Variants in GPHN observed in about 807,000 individuals in gnomAD.
GPHN encodes the protein gephyrin.
In GPHN, 17 loss-of-function variants were observed where a neutral mutation model predicts 95.5. The observed-to-expected ratio is 0.18, with a 90% CI of 0.12 to 0.27. The LOEUF (loss-of-function observed/expected upper bound fraction) is 0.27. Among genes scored for constraint, GPHN ranks in the 10% least tolerant of loss-of-function variants. GPHN has a pLI of 1.00. For missense variants in GPHN, 660 were observed against 978.1 expected (o/e 0.67, Z 4.34); for synonymous variants, 320 against 322.5 (o/e 0.99, Z 0.08).
the GPHN span, among the ~76,000 whole-genome samples, chr14:67,603,996 G>A: frequency 1.3e-5 from 2 of 150,144 alleles, no homozygotes; most frequent in Non-Finnish European, 3.0e-5. Flanking sequence ...CTTGTTTTTT[G>A]TTTTTGTTTT....
chr14:66,618,377 C>T (rs562422010), intron 1 of GPHN, among the ~76,000 whole-genome samples: 16 of 152,122 alleles, frequency 1.1e-4, no homozygotes, highest in East Asian at 3.9e-4. Flanking sequence ...TGCGCCCGGC[C>T]GAGTTTATTT....
intron 2 of GPHN, among the ~76,000 whole-genome samples, chr14:66,730,583 AG>A (rs549806137): frequency 6.8e-4 from 103 of 152,340 alleles, no homozygotes; most frequent in Non-Finnish European, 1.1e-3. Flanking sequence ...GCTTAAATGA[AG>A]AAAAGTAATA....
intron 17 of GPHN, among the ~76,000 whole-genome samples, chr14:67,128,589 G>A (rs950165464): frequency 6.6e-6 from 1 of 152,148 alleles, no homozygotes; most frequent in African/African-American, 2.4e-5. Flanking sequence ...ATACACCCAA[G>A]TGTTATTTCT....
At chr14:67,237,523 G>C in the GPHN span, among the ~76,000 whole-genome samples, 3 of 151,768 alleles carry the variant, frequency 2.0e-5, no homozygotes, top group African/African-American at 7.3e-5. Context: ...GGGTCTTGCT[G>C]TGTTGCCCAG....
chr14:67,446,649 C>T, the GPHN span, among the ~76,000 whole-genome samples: 1 of 152,194 alleles, frequency 6.6e-6, no homozygotes, highest in African/African-American at 2.4e-5. Flanking sequence ...GACACTGAAG[C>T]CCATTCAACG....
intron 14 of GPHN, 61 bp from the exon 15 acceptor site, chr14:67,111,800 G>A (rs1428629832): frequency 1.6e-6 from 2 of 1,238,422 alleles, no homozygotes; most frequent in Non-Finnish European, 1.2e-6. Context: ...AAGTATCGGA[G>A]TAACTAAATT....
the GPHN span, among the ~76,000 whole-genome samples, chr14:67,284,865 A>G: frequency 0.024 from 3,646 of 152,172 alleles, 69 homozygotes; most frequent in Non-Finnish European, 0.036. Flanking sequence ...CCACTGTACA[A>G]ATATACCACA....
the GPHN span, among the ~76,000 whole-genome samples, chr14:67,235,140 G>C: frequency 7.4e-6 from 1 of 135,614 alleles, no homozygotes; most frequent in African/African-American, 3.1e-5. Flanking sequence ...TGGGTGACAA[G>C]AGCAAAACTC....
At chr14:66,659,004 G>A (rs144306281) in intron 1 of GPHN, among the ~76,000 whole-genome samples, 111 of 150,910 alleles carry the variant, frequency 7.4e-4, no homozygotes, top group African/African-American at 2.7e-3. Context: ...TATTATGCTT[G>A]TCAATTTCTA....
intron 5 of GPHN, among the ~76,000 whole-genome samples, chr14:66,903,458 C>T (rs1350502513): frequency 6.6e-6 from 1 of 151,898 alleles, no homozygotes; most frequent in Non-Finnish European, 1.5e-5. Context: ...CTAAGTATAA[C>T]TACTCCTGCT....
chr14:66,568,368 A>G (rs1281090210), intron 1 of GPHN, among the ~76,000 whole-genome samples: 1 of 152,132 alleles, frequency 6.6e-6, no homozygotes, highest in East Asian at 1.9e-4. Context: ...GTTTCCTGTT[A>G]TGGCATTTTA....
At position 67,180,761 on chromosome 14, in the gene GPHN, G is replaced by A. The variant is rs372227213; in HGVS notation, c.2177-43G>A. The A allele has an allele frequency of 1.7e-5, 27 of 1,602,168 alleles. No homozygotes were observed. In the African/African-American group the frequency reaches 1.9e-4, roughly 11 times the overall value. On this transcript the variant is annotated intron_variant, in intron 22 of 22. Transcript: ENST00000478722. ...GGTCTACAAGGGCCCAACTGTATAC[G>A]CCATGATGCTTATGCTGCTGTAATA... is the stretch of plus-strand genomic sequence containing the variant.
chr14:67,703,693 C>T, the GPHN span, among the ~76,000 whole-genome samples: 283 of 151,924 alleles, frequency 1.9e-3, 2 homozygotes, highest in Admixed American at 4.5e-3. Flanking sequence ...TTTATTTTTC[C>T]GAGACAGAGT....
intron 17 of GPHN, among the ~76,000 whole-genome samples, chr14:67,126,998 A>C (rs921507385): frequency 6.6e-6 from 1 of 151,816 alleles, no homozygotes; most frequent in Non-Finnish European, 1.5e-5. Flanking sequence ...TCGCAAGGAC[A>C]AAAAACCAAA....
chr14:67,690,853 G>C, the GPHN span: 13 of 415,028 alleles, frequency 3.1e-5, no homozygotes, highest in East Asian at 5.4e-4. Flanking sequence ...CCTGATGCTG[G>C]CCACAAGGAT....
chr14:66,769,905 G>C (rs554916739), intron 2 of GPHN, among the ~76,000 whole-genome samples: 1 of 151,996 alleles, frequency 6.6e-6, no homozygotes, highest in Non-Finnish European at 1.5e-5. Context: ...GAATTGCCAC[G>C]GTGCTTTCCG....
chr14:67,045,557 G>C (rs2074968192), intron 10 of GPHN, among the ~76,000 whole-genome samples: 1 of 147,390 alleles, frequency 6.8e-6, no homozygotes, highest in Non-Finnish European at 1.5e-5. Context: ...GTCTCTCTCT[G>C]TCTCTCTGTC....
chr14:67,695,731 G>T, the GPHN span: 700 of 1,610,084 alleles, frequency 4.3e-4, 2 homozygotes, highest in Non-Finnish European at 5.8e-4. Context: ...GCACCAGAGC[G>T]GGATGCTCCA....
At chr14:67,582,376 C>T in the GPHN span, 4 of 1,186,176 alleles carry the variant, frequency 3.4e-6, no homozygotes, top group Admixed American at 4.2e-5. The surrounding 1 kb of genome is among the most constrained non-coding windows in gnomAD (Gnocchi z 5.0). Flanking sequence ...ATCAGAGCTC[C>T]TCACTCACCG....
Sources: gnomAD v4.1 joint callset for allele counts (sites outside exome capture counted in the v4.1 genomes callset) on GRCh38, gnomAD v4.1.1 for gene constraint, Gnocchi (gnomAD v3.1) non-coding constraint, MANE v1.5 for transcripts, NCBI Gene and HGNC (gene_info 2026-07-23, HGNC 2026-07-21) for gene names.